The following SIPA1L1 variants were observed in gnomAD, a reference collection of about 807,000 sequenced individuals.
SIPA1L1 encodes signal-induced proliferation-associated 1-like protein 1.
SIPA1L1 carries 26 observed loss-of-function variants against 162.7 expected under a neutral mutation model. That is an observed-to-expected ratio of 0.16 (90% confidence interval 0.12 to 0.22). The LOEUF (loss-of-function observed/expected upper bound fraction) is 0.22, where lower values mean the gene tolerates loss of function less well. SIPA1L1 is among the 10% of genes least tolerant of loss of function. SIPA1L1 has a pLI of 1.00. For synonymous variants in SIPA1L1, 829 were observed against 837.4 expected, an observed-to-expected ratio of 0.99 and a Z score of 0.17; for missense variants, 1,874 against 2,241.0, an observed-to-expected ratio of 0.84 and a Z score of 3.31.
chr14:71,666,821 G>A (rs2044048600), intron 10 of SIPA1L1, among the ~76,000 whole-genome samples: 1 of 149,100 alleles, frequency 6.7e-6, no homozygotes, highest in South Asian at 2.1e-4. Flanking sequence ...GGGAGGAAGC[G>A]TGATGCATGT....
chr14:71,492,894 G>A (rs1263864544), intron 2 of SIPA1L1, among the ~76,000 whole-genome samples: 1 of 151,748 alleles, frequency 6.6e-6, no homozygotes, highest in Non-Finnish European at 1.5e-5. Flanking sequence ...CCAAAGTGCT[G>A]GGATTATAGG....
chr14:71,672,433 G>A lies in SIPA1L1; in HGVS notation c.2915G>A (p.Gly972Asp), dbSNP rs2044624024. ...GQLGFHVNYE[G>D]IVADVEPYGY... ...CTTGGCTTCCATGTCAACTATGAGG[G>A]CATTGTGGCGGATGTGGAGCCCTAC... is the stretch of plus-strand genomic sequence containing the variant. The change falls in exon 12 of 24, where the codon GGC becomes GAC. Residue 972 changes from glycine (G) to aspartate (D), a missense_variant. Transcript: ENST00000381232. 1 of 1,614,122 alleles carries A rather than the reference G, an allele frequency of 6.2e-7. No homozygotes were observed. The highest frequency in any genetic ancestry group is 8.5e-7 in the Non-Finnish European group (1 of 1,180,042).
intron 2 of SIPA1L1, among the ~76,000 whole-genome samples, chr14:71,322,618 A>G (rs1028253746): frequency 6.6e-6 from 1 of 152,242 alleles, no homozygotes; most frequent in African/African-American, 2.4e-5. Context: ...CAATTATGCT[A>G]AAGCATTAAC....
At chr14:71,430,249 CT>C (rs113740409) in intron 2 of SIPA1L1, among the ~76,000 whole-genome samples, 12 of 150,680 alleles carry the variant, frequency 8.0e-5, no homozygotes, top group African/African-American at 2.7e-4. Flanking sequence ...TATTCTTTTC[CT>C]TTTTTTTTGC....
chr14:71,502,241 T>TG lies in SIPA1L1; in HGVS notation c.-464-10501dup, dbSNP rs2050284687. Among the ~76,000 whole-genome samples the TG allele has an allele frequency of 2.5e-4, 7 of 28,020 alleles. No individual in the cohort carries two copies. In the South Asian group the frequency reaches 3.7e-3, roughly 15 times the overall value. The allele number at this position is 28,020 out of a possible 152,430, so 18.4% of individuals were successfully genotyped here. ...CTATCATGAGAGCCTTTGAGATACT[T>TG]GAAAAAAAAAAAAAATATATATATA... On this transcript the variant is annotated intron_variant, in intron 2 of 23. Coordinates refer to ENST00000381232, the MANE Select transcript of SIPA1L1 (RefSeq NM_001386936.1).
chr14:71,459,621 A>G (rs920101898), intron 2 of SIPA1L1, among the ~76,000 whole-genome samples: 21 of 152,172 alleles, frequency 1.4e-4, no homozygotes, highest in African/African-American at 4.6e-4. Flanking sequence ...AGCGTCCAGC[A>G]TGGGAAAGAG....
chr14:71,559,252 G>A (rs796971839), intron 4 of SIPA1L1, among the ~76,000 whole-genome samples: 8 of 152,070 alleles, frequency 5.3e-5, no homozygotes, highest in African/African-American at 1.7e-4. Context: ...ATTTTTAGTA[G>A]AGAGGTGGTT....
At chr14:71,634,411 A>T (rs1209861511) in intron 7 of SIPA1L1, among the ~76,000 whole-genome samples, 1 of 151,670 alleles carries the variant, frequency 6.6e-6, no homozygotes, top group African/African-American at 2.4e-5. Context: ...TCAAAAAAAA[A>T]AAAAAAACCC....
At chr14:71,412,938 G>C (rs763350912) in intron 2 of SIPA1L1, among the ~76,000 whole-genome samples, 4 of 152,182 alleles carry the variant, frequency 2.6e-5, no homozygotes, top group Non-Finnish European at 5.9e-5. Flanking sequence ...CAACCATGGT[G>C]GGAGCTTAGT....
At chr14:71,433,024 A>T (rs2044114043) in intron 2 of SIPA1L1, among the ~76,000 whole-genome samples, 1 of 152,170 alleles carries the variant, frequency 6.6e-6, no homozygotes, top group African/African-American at 2.4e-5. Flanking sequence ...AAGGGGTATA[A>T]TAGAGTTTTA....
chr14:71,514,518 A>C (rs1357176031), intron 3 of SIPA1L1, among the ~76,000 whole-genome samples: 1 of 152,128 alleles, frequency 6.6e-6, no homozygotes, highest in East Asian at 1.9e-4. Context: ...CTATAGGGAG[A>C]CTACCTTTCC....
At chr14:71,496,860 T>TA (rs2049828244) in intron 2 of SIPA1L1, among the ~76,000 whole-genome samples, 1 of 152,184 alleles carries the variant, frequency 6.6e-6, no homozygotes, top group Admixed American at 6.5e-5. Flanking sequence ...TATCTTAAAC[T>TA]AAAAAGAGAA....
chr14:71,478,673 G>C (rs912756990), intron 2 of SIPA1L1, among the ~76,000 whole-genome samples: 1 of 152,084 alleles, frequency 6.6e-6, no homozygotes, highest in Non-Finnish European at 1.5e-5. Flanking sequence ...TGTGTAAGTC[G>C]ATTTCTCCAT....
At chr14:71,417,494 A>AAAG (rs2042878375) in intron 2 of SIPA1L1, among the ~76,000 whole-genome samples, 3 of 147,526 alleles carry the variant, frequency 2.0e-5, no homozygotes, top group African/African-American at 7.4e-5. Context: ...AAAAAAAAAA[A>AAAG]AAAAAAAAAG....
intron 2 of SIPA1L1, among the ~76,000 whole-genome samples, chr14:71,326,983 A>G (rs914273339): frequency 4.6e-5 from 7 of 150,964 alleles, no homozygotes; most frequent in Admixed American, 2.6e-4. Flanking sequence ...AAGTGCTGGT[A>G]TTACAGATGT....
At chr14:71,370,473 T>C (rs564806507) in intron 2 of SIPA1L1, among the ~76,000 whole-genome samples, 1 of 152,294 alleles carries the variant, frequency 6.6e-6, no homozygotes, top group African/African-American at 2.4e-5. Flanking sequence ...GTTTCACTAT[T>C]GGGATAGACT....
chr14:71,511,196 G>A (rs755829609), intron 2 of SIPA1L1, among the ~76,000 whole-genome samples: 1 of 152,142 alleles, frequency 6.6e-6, no homozygotes, highest in Non-Finnish European at 1.5e-5. Flanking sequence ...AGAAGTATAT[G>A]TTTAGTCTCT....
chr14:71,651,923 C>T (rs983261691), intron 8 of SIPA1L1, among the ~76,000 whole-genome samples: 3 of 152,180 alleles, frequency 2.0e-5, no homozygotes, highest in African/African-American at 7.2e-5. Flanking sequence ...CCTGGATTAC[C>T]AAACAGCCTC....
intron 7 of SIPA1L1, among the ~76,000 whole-genome samples, chr14:71,637,920 T>C (rs2041327261): frequency 6.6e-6 from 1 of 152,126 alleles, no homozygotes; most frequent in Admixed American, 6.5e-5. Flanking sequence ...AGCAACAATG[T>C]ATTAAAGAAA....
Sources: gnomAD v4.1 joint callset for allele counts (sites outside exome capture counted in the v4.1 genomes callset) on GRCh38, gnomAD v4.1.1 for gene constraint, MANE v1.5 for transcripts, NCBI Gene and HGNC (gene_info 2026-07-23, HGNC 2026-07-21) for gene names.